Variants in SLC7A8 observed in about 807,000 individuals in gnomAD.
SLC7A8 encodes large neutral amino acids transporter small subunit 2.
Under a neutral mutation model 51.2 loss-of-function variants are expected in SLC7A8, and 30 were observed. That is an observed-to-expected ratio of 0.59 (90% CI 0.44 to 0.80). SLC7A8 has a LOEUF of 0.80. SLC7A8 is among the 30% of genes least tolerant of loss of function. The pLI is 0.00. For missense variants in SLC7A8, 612 were observed against 674.4 expected, an observed-to-expected ratio of 0.91 and a Z score of 1.03; for synonymous variants, 257 against 275.8, an observed-to-expected ratio of 0.93 and a Z score of 0.67.
chr14:23,143,292 C>A, intron 3 of SLC7A8, 88 bp from the exon 4 acceptor site: 1 of 1,551,858 alleles, frequency 6.4e-7, no homozygotes, highest in Non-Finnish European at 8.8e-7. Context: ...GCTCCCTCAT[C>A]CTGACGATGA....
chr14:23,152,410 C>T (rs1165566275), intron 3 of SLC7A8, among the ~76,000 whole-genome samples: 1 of 151,726 alleles, frequency 6.6e-6, no homozygotes, highest in Non-Finnish European at 1.5e-5. Flanking sequence ...GGATTACAGG[C>T]ATGAGCCACC....
chr14:23,182,812 C>A lies in SLC7A8; in HGVS notation c.103G>T (p.Ala35Ser). 19 of 1,612,794 alleles carry A rather than the reference C, an allele frequency of 1.2e-5. No individual in the cohort carries two copies. Among genetic ancestry groups the A allele is most frequent in the Non-Finnish European group, 1.6e-5 (19 of 1,179,496 alleles). Reference protein sequence around the residue: ...PEAGSGGGGVALKKEIGLVSA... With the variant: ...PEAGSGGGGVSLKKEIGLVSA... The stretch of plus-strand genomic sequence containing the variant: ...ACCAATCCGATCTCTTTCTTCAGGG[C>A]TACTCCGCCCCCTCCGGAACCAGCC... Residue 35 changes from alanine to serine, a missense_variant, in exon 1 of 11, where the codon GCC becomes TCC. By Grantham distance (99) the Ala-to-Ser change is moderately conservative (BLOSUM62 1). Coordinates refer to ENST00000316902, the MANE Select transcript of SLC7A8 (RefSeq NM_012244.4).
intron 7 of SLC7A8, among the ~76,000 whole-genome samples, chr14:23,133,195 T>C (rs1028867607): frequency 1.3e-5 from 2 of 152,162 alleles, no homozygotes; most frequent in African/African-American, 4.8e-5. Context: ...CCCAGCACTT[T>C]GGCAGGCTGA....
chr14:23,158,565 C>T (rs954326734), intron 3 of SLC7A8, among the ~76,000 whole-genome samples: 5 of 152,184 alleles, frequency 3.3e-5, no homozygotes, highest in African/African-American at 7.2e-5. Flanking sequence ...AGGCTGGTCT[C>T]GAACTCCTGA....
intron 1 of SLC7A8, among the ~76,000 whole-genome samples, chr14:23,173,238 G>A (rs887441491): frequency 5.3e-5 from 8 of 152,206 alleles, no homozygotes; most frequent in East Asian, 1.9e-4. Context: ...ATACCACCAC[G>A]CAGAGCAGAA....
rs201328469 is a variant in SLC7A8, at chr14:23,128,238, C to A, written c.1264-42G>T. The A allele has an allele frequency of 1.2e-6, 2 of 1,610,310 alleles. No homozygotes were observed. The highest frequency in any genetic ancestry group is 8.5e-7 in the Non-Finnish European group (1 of 1,178,396). On this transcript the variant is annotated intron_variant, in intron 9 of 10. Transcript: ENST00000316902. This position sits in a 1 kb window ranked among gnomAD's most constrained non-coding sequence, Gnocchi z 4.3. ...TGAGGCGTATGAACTGTGTAGGCCA[C>A]GTGGCCCCCAGGACTAGGGACTGGG... is the stretch of plus-strand genomic sequence containing the variant.
chr14:23,183,434 C>A lies in SLC7A8; in HGVS notation c.-520G>T, dbSNP rs1159818269. The A allele has an allele frequency of 6.6e-6, 1 of 152,408 alleles. No individual in the cohort carries two copies. Among genetic ancestry groups the A allele is most frequent in the Non-Finnish European group, 1.5e-5 (1 of 68,188 alleles). 9.4% of individuals were successfully genotyped at this position (152,408 alleles called of 1,614,324 possible). A position where few individuals can be genotyped will look rare whatever the true frequency, so the allele number is the denominator to read the frequency against. ...AAAAAGAGCAATCCTCAGGTACTTT[C>A]TTCTCTTCTAGAAAAACAAACTGTG... On this transcript the variant is annotated 5_prime_UTR_variant, in exon 1 of 11. Transcript: ENST00000316902.
At chr14:23,131,999 A>ATTTTT (rs1201371313) in intron 7 of SLC7A8, among the ~76,000 whole-genome samples, 22 of 98,160 alleles carry the variant, frequency 2.2e-4, no homozygotes, top group African/African-American at 4.7e-4. Flanking sequence ...AAAACACTCT[A>ATTTTT]TTTTTTTTTT....
At chr14:23,170,661 G>A (rs184159878) in intron 1 of SLC7A8, among the ~76,000 whole-genome samples, 2 of 152,202 alleles carry the variant, frequency 1.3e-5, no homozygotes, top group Admixed American at 6.5e-5. Context: ...GTTTCACCAT[G>A]TTGGCCAGGC....
chr14:23,139,560 AGGAGGTGAGG>A lies in SLC7A8; in HGVS notation c.789-23_789-14del. ...TCTGGGAAGGTTCCTGTAGAGGGAGAGGAGGTGAGGGGAAGGGCTGGCACCCGGGACACCC... is the reference window on the plus strand; with the variant it reads ...TCTGGGAAGGTTCCTGTAGAGGGAGAGGAAGGGCTGGCACCCGGGACACCC... On this transcript the variant is annotated splice_polypyrimidine_tract_variant and intron_variant, in intron 5 of 10. Transcript: ENST00000316902. 6.2e-7 allele frequency: 1 copy of A among 1,610,386 alleles called. No homozygotes were observed.
chr14:23,145,786 A>G (rs2048788999), intron 3 of SLC7A8, among the ~76,000 whole-genome samples: 3 of 152,174 alleles, frequency 2.0e-5, no homozygotes, highest in African/African-American at 7.2e-5. Context: ...AGTTGGCTTC[A>G]TGTTGCCAAA....
chr14:23,155,324 C>A, intron 3 of SLC7A8: 1 of 1,535,644 alleles, frequency 6.5e-7, no homozygotes, highest in Non-Finnish European at 8.7e-7. Flanking sequence ...TTTTACCAAA[C>A]ACTTCCAGCT....
chr14:23,131,997 C>CTTT (rs1268438002), intron 7 of SLC7A8, among the ~76,000 whole-genome samples: 6 of 139,132 alleles, frequency 4.3e-5, no homozygotes, highest in African/African-American at 1.6e-4. Flanking sequence ...TAAAAACACT[C>CTTT]TATTTTTTTT....
chr14:23,151,664 G>A (rs571195837), intron 3 of SLC7A8, among the ~76,000 whole-genome samples: 1 of 151,728 alleles, frequency 6.6e-6, no homozygotes, highest in South Asian at 2.1e-4. Flanking sequence ...AGGCTGGGGT[G>A]GGAGGATCAC....
At chr14:23,137,768 C>A (rs913345926) in intron 7 of SLC7A8, among the ~76,000 whole-genome samples, 153 bp downstream of exon 7, 1 of 152,170 alleles carries the variant, frequency 6.6e-6, no homozygotes, top group African/African-American at 2.4e-5. Flanking sequence ...CACACTGACA[C>A]ACACGCCCTC....
At position 23,126,995 on chromosome 14, in the gene SLC7A8, G is replaced by T; in HGVS notation, c.*182C>A. ...ACATGGACCCTGGGGTGAGAGGCTGGTTCTTTGGGTATGAATGTCAGTTTT... is the reference window on the plus strand; with the variant it reads ...ACATGGACCCTGGGGTGAGAGGCTGTTTCTTTGGGTATGAATGTCAGTTTT... On this transcript the variant is annotated 3_prime_UTR_variant, in exon 11 of 11. Transcript: ENST00000316902. 1 of 715,036 alleles carries T rather than the reference G, an allele frequency of 1.4e-6. No individual in the cohort carries two copies. Among genetic ancestry groups the T allele is most frequent in the South Asian group, 1.8e-5 (1 of 54,738 alleles). 44.3% of individuals were successfully genotyped at this position (715,036 alleles called of 1,614,324 possible). A position where few individuals can be genotyped will look rare whatever the true frequency, so the allele number is the denominator to read the frequency against.
Position 23,128,015 on chromosome 14 carries a change from T to C in SLC7A8, c.1441+4A>G. 1 of 1,612,046 alleles carries C rather than the reference T, an allele frequency of 6.2e-7. No homozygotes were observed. The highest frequency in any genetic ancestry group is 2.2e-5 in the East Asian group (1 of 44,816). On this transcript the variant is annotated splice_donor_region_variant and intron_variant, in intron 10 of 10. Coordinates refer to ENST00000316902, the MANE Select transcript of SLC7A8 (RefSeq NM_012244.4). The surrounding 1 kb of genome is among the most constrained non-coding windows in gnomAD (Gnocchi z 4.3). ...GAAGCCAGCCAGAGCCTCCAACAAC[T>C]CACCAATGAAGTCACTGAAACACTT...
chr14:23,134,890 A>G (rs2048674612), intron 7 of SLC7A8, among the ~76,000 whole-genome samples: 1 of 152,180 alleles, frequency 6.6e-6, no homozygotes, highest in Non-Finnish European at 1.5e-5. Flanking sequence ...TATCACAACT[A>G]GGATATTGAT....
Position 23,165,806 on chromosome 14 carries a change from T to G in SLC7A8, c.357-370A>C, listed in dbSNP as rs1594838206. On this transcript the variant is annotated intron_variant, in intron 2 of 10. Transcript: ENST00000316902. This position sits in a 1 kb window ranked among gnomAD's most constrained non-coding sequence, Gnocchi z 4.2. The stretch of plus-strand genomic sequence containing the variant: ...TTACGTAAGCAATAATCAGGAGAGG[T>G]ATCAAGTGGGGGTTTGCAGGGGAAG... 6.6e-6 allele frequency among the ~76,000 whole-genome samples: 1 copy of G among 151,780 alleles called. No homozygotes were observed. The highest frequency in any genetic ancestry group is 1.5e-5 in the Non-Finnish European group (1 of 67,972).
Sources: gnomAD v4.1 joint callset for allele counts (sites outside exome capture counted in the v4.1 genomes callset) on GRCh38, gnomAD v4.1.1 for gene constraint, Gnocchi (gnomAD v3.1) non-coding constraint, MANE v1.5 for transcripts, NCBI Gene and HGNC (gene_info 2026-07-23, HGNC 2026-07-21) for gene names.